SLCO1B1: variants seen among roughly 807,000 people sequenced by gnomAD.
SLCO1B1 encodes the protein OATP-2.
In SLCO1B1, 81 loss-of-function variants were observed where a neutral mutation model predicts 70.1. The observed-to-expected ratio is 1.16, with a 90% CI of 0.97 to 1.39. The LOEUF is 1.39. Among genes scored for constraint, SLCO1B1 ranks in the 40% most tolerant of loss-of-function variants. The pLI is 0.00. For missense variants in SLCO1B1, 895 were observed against 799.6 expected (o/e 1.12, Z -1.44); for synonymous variants, 283 against 271.5 (o/e 1.04, Z -0.42).
Position 21,189,514 on chromosome 12 carries a change from C to T in SLCO1B1, c.728-7432C>T, listed in dbSNP as rs146617382. ...CCAGGCTGGAGTGCAGTTGTGTGAT[C>T]TCAGCTCACTGCAATCTCTGCCTGC... On this transcript the variant is annotated intron_variant, in intron 7 of 14. Coordinates refer to ENST00000256958, the MANE Select transcript of SLCO1B1 (RefSeq NM_006446.5). 2.7e-3 allele frequency among the ~76,000 whole-genome samples: 403 copies of T among 151,706 alleles called. 1 individual carries two copies. The highest frequency in any genetic ancestry group is 9.0e-3 in the African/African-American group (371 of 41,356).
rs78917099 is a variant in SLCO1B1, at chr12:21,221,379, T to C, written c.1683-921T>C. Among the ~76,000 whole-genome samples, 1,391 of 152,160 alleles carry C rather than the reference T, an allele frequency of 9.1e-3. 26 individuals carry two copies. The highest frequency in any genetic ancestry group is 0.032 in the African/African-American group (1,325 of 41,518). ...AAAAGAGGAACTCAAATAAACTCTG[T>C]TCACTGATGATATGCAACAATAACA... is the stretch of plus-strand genomic sequence containing the variant. On this transcript the variant is annotated intron_variant, in intron 12 of 14. Transcript: ENST00000256958.
intron 12 of SLCO1B1, among the ~76,000 whole-genome samples, chr12:21,219,460 G>C (rs1259199791): frequency 6.6e-6 from 1 of 152,168 alleles, no homozygotes. Context: ...AGCTAGCCTA[G>C]TTCAGATCCT....
intron 2 of SLCO1B1, among the ~76,000 whole-genome samples, chr12:21,157,576 A>G (rs1203182529): frequency 6.6e-6 from 1 of 151,482 alleles, no homozygotes; most frequent in Non-Finnish European, 1.5e-5. Context: ...ATGTTCAGAA[A>G]TTAAGATTAA....
intron 1 of SLCO1B1, among the ~76,000 whole-genome samples, chr12:21,134,926 G>T (rs796340788): frequency 2.6e-5 from 4 of 151,796 alleles, no homozygotes; most frequent in African/African-American, 7.3e-5. Flanking sequence ...TTGTGATGTT[G>T]GGGTGTCAAT....
chr12:21,134,407 G>T (rs1230179152), intron 1 of SLCO1B1, among the ~76,000 whole-genome samples: 1 of 152,144 alleles, frequency 6.6e-6, no homozygotes, highest in African/African-American at 2.4e-5. Flanking sequence ...CAGAAGTATT[G>T]GTACCAGTTC....
chr12:21,215,097 T>G (rs1941342722), intron 11 of SLCO1B1, among the ~76,000 whole-genome samples: 1 of 151,846 alleles, frequency 6.6e-6, no homozygotes, highest in Non-Finnish European at 1.5e-5. Context: ...CAACCAGGGT[T>G]TTTGAGATAT....
intron 2 of SLCO1B1, among the ~76,000 whole-genome samples, chr12:21,152,465 T>C (rs1940483866): frequency 7.0e-6 from 1 of 142,232 alleles, no homozygotes; most frequent in South Asian, 2.4e-4. Context: ...ACATAATGTA[T>C]TGAGTTTTGT....
intron 2 of SLCO1B1, among the ~76,000 whole-genome samples, chr12:21,148,119 G>A (rs1413355826): frequency 1.3e-5 from 2 of 152,156 alleles, no homozygotes; most frequent in African/African-American, 2.4e-5. Context: ...CTCTTTGTCA[G>A]ATGGATAGAT....
At chr12:21,209,982 G>A (rs1421365459) in intron 11 of SLCO1B1, among the ~76,000 whole-genome samples, 2 of 151,848 alleles carry the variant, frequency 1.3e-5, no homozygotes. Flanking sequence ...TGAGTAGGTT[G>A]TGAAAATTTT....
At chr12:21,216,934 A>G (rs866925588) in intron 11 of SLCO1B1, among the ~76,000 whole-genome samples, 185 bp from the exon 12 acceptor site, 1 of 152,184 alleles carries the variant, frequency 6.6e-6, no homozygotes, top group African/African-American at 2.4e-5. Context: ...ATTGTCTTAT[A>G]TAGAAAGAAA....
At chr12:21,208,541 T>G (rs1941240371) in intron 11 of SLCO1B1, among the ~76,000 whole-genome samples, 1 of 152,072 alleles carries the variant, frequency 6.6e-6, no homozygotes, top group South Asian at 2.1e-4. Flanking sequence ...CCTTGCAGTA[T>G]AGTTTGATAT....
intron 2 of SLCO1B1, among the ~76,000 whole-genome samples, chr12:21,142,491 A>T (rs1340324798): frequency 6.6e-6 from 1 of 152,060 alleles, no homozygotes; most frequent in Non-Finnish European, 1.5e-5. Flanking sequence ...TCAATGTTTT[A>T]ACTTTTTTAT....
At chr12:21,201,586 ATGT>A (rs2121147923) in intron 9 of SLCO1B1, among the ~76,000 whole-genome samples, 1 of 152,236 alleles carries the variant, frequency 6.6e-6, no homozygotes, top group Non-Finnish European at 1.5e-5. Flanking sequence ...ATTAATTTTT[ATGT>A]TGTTAAGCTC....
chr12:21,210,671 A>C (rs1941272164), intron 11 of SLCO1B1, among the ~76,000 whole-genome samples: 5 of 149,200 alleles, frequency 3.4e-5, no homozygotes, highest in Non-Finnish European at 6.0e-5. Context: ...TTTTCACGAT[A>C]TTGATTCTTC....
At chr12:21,143,275 CA>C (rs1940336048) in intron 2 of SLCO1B1, among the ~76,000 whole-genome samples, 2 of 151,896 alleles carry the variant, frequency 1.3e-5, no homozygotes. Flanking sequence ...AAAGTATTAA[CA>C]AAAGTTGCTG....
At position 21,239,327 on chromosome 12, in the gene SLCO1B1, T is replaced by C. The variant is rs938996740; in HGVS notation, c.*138T>C. The C allele has an allele frequency of 7.0e-6, 5 of 717,896 alleles. No individual in the cohort carries two copies. The highest frequency in any genetic ancestry group is 3.5e-5 in the African/African-American group (2 of 56,570). 44.5% of individuals were successfully genotyped at this position (717,896 alleles called of 1,614,324 possible). On this transcript the variant is annotated 3_prime_UTR_variant, in exon 15 of 15. Coordinates refer to ENST00000256958, the MANE Select transcript of SLCO1B1 (RefSeq NM_006446.5). ...TTTATGGTGGAAGTATAAATAAGCC[T>C]ATGAACTTATAATAAAACAAACTGT... is the stretch of plus-strand genomic sequence containing the variant.
At chr12:21,132,329 A>G (rs1438683708) in intron 1 of SLCO1B1, among the ~76,000 whole-genome samples, 1 of 152,208 alleles carries the variant, frequency 6.6e-6, no homozygotes, top group African/African-American at 2.4e-5. Context: ...AGCATGATTT[A>G]TAATCCCTTG....
intron 14 of SLCO1B1, among the ~76,000 whole-genome samples, chr12:21,229,455 C>A (rs957143445): frequency 6.6e-6 from 1 of 152,140 alleles, no homozygotes; most frequent in Non-Finnish European, 1.5e-5. Flanking sequence ...CATAGTTTTG[C>A]GTTTTCCAGA....
At chr12:21,191,514 G>GGT (rs779168858) in intron 7 of SLCO1B1, among the ~76,000 whole-genome samples, 33 of 151,096 alleles carry the variant, frequency 2.2e-4, no homozygotes, top group African/African-American at 4.1e-4. Flanking sequence ...AATTCTAACA[G>GGT]GTGTGTGTGT....
Sources: allele counts gnomAD v4.1 joint callset (sites outside exome capture counted in the v4.1 genomes callset), GRCh38; gene constraint gnomAD v4.1.1; transcripts MANE v1.5; gene names NCBI Gene and HGNC (gene_info 2026-07-23, HGNC 2026-07-21).